EYA2: variants seen among roughly 807,000 people sequenced by gnomAD.
The protein encoded by EYA2 is EYA transcriptional coactivator and phosphatase 2.
Under a neutral mutation model 69.2 loss-of-function variants are expected in EYA2, and 31 were observed. The observed-to-expected ratio is 0.45, with a 90% CI of 0.34 to 0.60. EYA2 has a LOEUF of 0.60. Among genes scored for constraint, EYA2 ranks in the 20% least tolerant of loss-of-function variants. The pLI is 0.02. For synonymous variants in EYA2, 257 were observed against 279.4 expected, an observed-to-expected ratio of 0.92 and a Z score of 0.80; for missense variants, 622 against 701.2, an observed-to-expected ratio of 0.89 and a Z score of 1.28.
At chr20:47,109,060 G>C (rs2146537258) in intron 9 of EYA2, among the ~76,000 whole-genome samples, 1 of 152,134 alleles carries the variant, frequency 6.6e-6, no homozygotes, top group East Asian at 1.9e-4. Context: ...GGTATATTTT[G>C]AAGGCAGACC....
At chr20:46,977,524 G>C (rs1456001144) in intron 1 of EYA2, among the ~76,000 whole-genome samples, 1 of 152,172 alleles carries the variant, frequency 6.6e-6, no homozygotes, top group Non-Finnish European at 1.5e-5. Context: ...GTTCTTTGAA[G>C]GCCCTTAAAG....
intron 8 of EYA2, among the ~76,000 whole-genome samples, chr20:47,091,138 A>G (rs1392036207): frequency 6.6e-6 from 1 of 152,198 alleles, no homozygotes; most frequent in Non-Finnish European, 1.5e-5. Context: ...TTCCTTAAAA[A>G]GCAATGTAAT....
chr20:46,997,342 G>A (rs1982095066), intron 2 of EYA2, among the ~76,000 whole-genome samples: 1 of 152,142 alleles, frequency 6.6e-6, no homozygotes. Flanking sequence ...CCAACACTGG[G>A]GATTACACTC....
At chr20:47,083,022 T>C (rs918135036) in intron 7 of EYA2, among the ~76,000 whole-genome samples, 1 of 152,084 alleles carries the variant, frequency 6.6e-6, no homozygotes, top group African/African-American at 2.4e-5. Context: ...AGCAAGACCC[T>C]GTCTCTGCAA....
intron 8 of EYA2, among the ~76,000 whole-genome samples, chr20:47,096,858 C>T (rs1487852362): frequency 1.3e-5 from 2 of 152,212 alleles, no homozygotes; most frequent in East Asian, 1.9e-4. Context: ...CTTCTTGATT[C>T]TGACATCTTT....
In EYA2 at chr20:47,057,554, G is replaced by T. The variant is rs74880305; in HGVS notation, c.416-14631G>T. ...TACCTCCAGACCTTTTCCACTTGCAGTCCTGGTAGGTTTTCAGCAATTTTA... is the reference window on the plus strand; with the variant it reads ...TACCTCCAGACCTTTTCCACTTGCATTCCTGGTAGGTTTTCAGCAATTTTA... On this transcript the variant is annotated intron_variant, in intron 5 of 15. Transcript: ENST00000327619. Among the ~76,000 whole-genome samples the T allele has an allele frequency of 3.2e-4, 47 of 147,032 alleles. No individual in the cohort carries two copies. The East Asian group carries it at 6.8e-3, about 21-fold the overall frequency.
At chr20:47,172,468 A>G (rs2034340472) in intron 11 of EYA2, among the ~76,000 whole-genome samples, 1 of 152,198 alleles carries the variant, frequency 6.6e-6, no homozygotes, top group Middle Eastern at 3.2e-3. Flanking sequence ...TAAAAAATAA[A>G]TGAAAGGCAA....
chr20:47,128,449 C>T (rs2033254535), intron 9 of EYA2, among the ~76,000 whole-genome samples: 1 of 151,808 alleles, frequency 6.6e-6, no homozygotes, highest in South Asian at 2.1e-4. Context: ...TTTCTCCTCA[C>T]TTTGGAAGTG....
chr20:47,060,696 C>A (rs1372246285), intron 5 of EYA2, among the ~76,000 whole-genome samples: 1 of 152,242 alleles, frequency 6.6e-6, no homozygotes, highest in African/African-American at 2.4e-5. Context: ...TGCTCCCCAG[C>A]ACTGAAGCCA....
intron 3 of EYA2, 157 bp from the exon 4 acceptor site, chr20:47,004,785 G>A: frequency 1.0e-6 from 1 of 982,834 alleles, no homozygotes; most frequent in Non-Finnish European, 1.6e-6. Context: ...CTGCTTCCCA[G>A]GCAGAGGAAA....
At chr20:47,041,735 A>G (rs1265503500) in intron 5 of EYA2, among the ~76,000 whole-genome samples, 1 of 152,230 alleles carries the variant, frequency 6.6e-6, no homozygotes, top group African/African-American at 2.4e-5. Flanking sequence ...GTTTTAGGAT[A>G]GGTGCTCAGA....
intron 5 of EYA2, among the ~76,000 whole-genome samples, chr20:47,038,763 C>T (rs1044019802): frequency 3.9e-5 from 6 of 152,138 alleles, no homozygotes; most frequent in East Asian, 1.9e-4. Flanking sequence ...AACTAGTCCC[C>T]GTTCCCCGCA....
chr20:47,004,793 A>G (rs1404355473), intron 3 of EYA2, 149 bp from the exon 4 acceptor site: 14 of 1,063,598 alleles, frequency 1.3e-5, no homozygotes, highest in Non-Finnish European at 2.0e-5. Flanking sequence ...CAGGCAGAGG[A>G]AAATAAAATG....
At chr20:46,972,764 C>T (rs1980217235) in intron 1 of EYA2, among the ~76,000 whole-genome samples, 1 of 152,224 alleles carries the variant, frequency 6.6e-6, no homozygotes, top group African/African-American at 2.4e-5. Context: ...CCTGAGGTAG[C>T]TGCTTAGTCA....
intron 8 of EYA2, among the ~76,000 whole-genome samples, 167 bp from the exon 9 acceptor site, chr20:47,096,918 A>G (rs746319926): frequency 3.3e-5 from 5 of 152,224 alleles, no homozygotes; most frequent in Non-Finnish European, 5.9e-5. Context: ...CATGACACAG[A>G]TAAGGTTGGA....
chr20:46,992,607 T>G (rs1310121866), intron 2 of EYA2, among the ~76,000 whole-genome samples: 2 of 152,184 alleles, frequency 1.3e-5, no homozygotes, highest in Non-Finnish European at 2.9e-5. Context: ...AGACCCTGGA[T>G]CTTCAATTCT....
intron 1 of EYA2, among the ~76,000 whole-genome samples, chr20:46,919,664 A>G (rs1985091136): frequency 6.6e-6 from 1 of 152,374 alleles, no homozygotes; most frequent in East Asian, 1.9e-4. Flanking sequence ...TATCAGCAAT[A>G]AGACTGTTTT....
At chr20:46,904,140 G>T (rs1984245885) in intron 1 of EYA2, among the ~76,000 whole-genome samples, 1 of 152,160 alleles carries the variant, frequency 6.6e-6, no homozygotes, top group Admixed American at 6.5e-5. Context: ...TCCAGCAGGG[G>T]TCTGACCCTC....
chr20:46,979,036 TGATTTCTCAGCCCGTGAAGGATGCTGGG>T (rs1405642499), intron 1 of EYA2, among the ~76,000 whole-genome samples: 1 of 152,216 alleles, frequency 6.6e-6, no homozygotes, highest in African/African-American at 2.4e-5. Context: ...CAGCAGGCTT[TGATTTCTCAGCCCGTGAAGGATGCTGGG>T]AGTGACCCTC....
Sources: allele counts gnomAD v4.1 joint callset (sites outside exome capture counted in the v4.1 genomes callset), GRCh38; gene constraint gnomAD v4.1.1; transcripts MANE v1.5; gene names NCBI Gene and HGNC (gene_info 2026-07-23, HGNC 2026-07-21).